IQCM: variants seen among roughly 807,000 people sequenced by gnomAD.
IQCM encodes the protein IQ domain-containing protein M.
Under a neutral mutation model 57.6 loss-of-function variants are expected in IQCM, and 45 were observed. That is an observed-to-expected ratio of 0.78 (90% CI 0.62 to 1.00). The LOEUF (loss-of-function observed/expected upper bound fraction) is 1.00. Ranked by LOEUF, IQCM falls within the 50% of genes least tolerant of loss-of-function variation. The pLI, the probability that IQCM is intolerant of heterozygous loss-of-function variation, is 0.00. For missense variants in IQCM, 468 were observed against 511.6 expected (o/e 0.91, Z 0.82); for synonymous variants, 148 against 158.9 (o/e 0.93, Z 0.51).
At chr4:149,546,734 G>A (rs1282693124) in intron 12 of IQCM, among the ~76,000 whole-genome samples, 12 of 152,122 alleles carry the variant, frequency 7.9e-5, no homozygotes, top group African/African-American at 2.2e-4. Flanking sequence ...TTTGTCAGAG[G>A]AGTAAATTGC....
At chr4:149,392,472 C>A (rs1731932773) in intron 13 of IQCM, among the ~76,000 whole-genome samples, 3 of 152,022 alleles carry the variant, frequency 2.0e-5, no homozygotes, top group Admixed American at 2.0e-4. Context: ...AGATTAAAAT[C>A]TGTCCACGGG....
In IQCM at chr4:149,787,095, G is replaced by A. The variant is rs951894732; in HGVS notation, c.-49+28216C>T. ...ACACAGGAACGGAAAACCAAACACC[G>A]CATATTCTCACTCAAAAGTGGGAGT... On this transcript the variant is annotated intron_variant, in intron 2 of 13. Coordinates refer to ENST00000636793, the MANE Select transcript of IQCM (RefSeq NM_001363507.2). 4.6e-5 allele frequency among the ~76,000 whole-genome samples: 7 copies of A among 152,040 alleles called. No homozygotes were observed. The South Asian group carries it at 8.3e-4, about 18-fold the overall frequency.
chr4:149,396,059 A>G (rs936186939), intron 13 of IQCM, among the ~76,000 whole-genome samples: 1 of 151,952 alleles, frequency 6.6e-6, no homozygotes, highest in African/African-American at 2.4e-5. Flanking sequence ...TTAACAGATA[A>G]AGGTCAACAT....
chr4:149,671,858 T>C (rs960750012), intron 7 of IQCM, among the ~76,000 whole-genome samples: 7 of 152,322 alleles, frequency 4.6e-5, no homozygotes, highest in Admixed American at 1.3e-4. Flanking sequence ...TGTTATAATT[T>C]CTGTTCTTTT....
intron 2 of IQCM, among the ~76,000 whole-genome samples, chr4:149,770,024 A>T (rs369377688): frequency 6.7e-6 from 1 of 150,076 alleles, no homozygotes; most frequent in Non-Finnish European, 1.5e-5. Flanking sequence ...AAAGAAAAAA[A>T]ATAGAAAATA....
chr4:149,470,942 C>A (rs1416430205), intron 12 of IQCM, among the ~76,000 whole-genome samples: 1 of 152,050 alleles, frequency 6.6e-6, no homozygotes, highest in East Asian at 1.9e-4. Context: ...CACAACATAC[C>A]AGAATCTCTG....
intron 2 of IQCM, among the ~76,000 whole-genome samples, chr4:149,764,991 C>G (rs1769899665): frequency 6.6e-6 from 1 of 151,916 alleles, no homozygotes; most frequent in Non-Finnish European, 1.5e-5. Context: ...CTGCCACTAA[C>G]CTAGAAAATG....
chr4:149,402,426 T>C (rs1173056198), intron 13 of IQCM, among the ~76,000 whole-genome samples: 1 of 151,730 alleles, frequency 6.6e-6, no homozygotes, highest in East Asian at 1.9e-4. Context: ...TTATAAACCA[T>C]TTTGGTGGAT....
At chr4:149,794,099 G>A (rs989355399) in intron 2 of IQCM, among the ~76,000 whole-genome samples, 4 of 152,184 alleles carry the variant, frequency 2.6e-5, no homozygotes, top group Non-Finnish European at 2.9e-5. Context: ...TGGCACATGA[G>A]GCCTGTACAG....
intron 7 of IQCM, 141 bp from the exon 8 acceptor site, chr4:149,621,385 T>C (rs1283671082): frequency 1.7e-5 from 7 of 404,010 alleles, no homozygotes; most frequent in African/African-American, 4.1e-5. Context: ...TCTTGTCATC[T>C]AATCGTAGAG....
chr4:149,458,448 TGAAAATAAAGCGA>T (rs1431503330), intron 12 of IQCM, among the ~76,000 whole-genome samples: 1 of 152,036 alleles, frequency 6.6e-6, no homozygotes, highest in Non-Finnish European at 1.5e-5. Context: ...AAGAAATAAG[TGAAAATAAAGCGA>T]ACATTTAAGC....
At chr4:149,366,483 C>G (rs137898114) in intron 13 of IQCM, among the ~76,000 whole-genome samples, 1 of 151,954 alleles carries the variant, frequency 6.6e-6, no homozygotes, top group Admixed American at 6.6e-5. Flanking sequence ...TCTTGGCTAT[C>G]CTTCAATAGG....
chr4:149,415,455 T>A (rs1733681822), intron 13 of IQCM, among the ~76,000 whole-genome samples: 1 of 152,198 alleles, frequency 6.6e-6, no homozygotes, highest in Non-Finnish European at 1.5e-5. Flanking sequence ...GTGTGTTTTA[T>A]AATTCTTTCT....
At position 149,718,237 on chromosome 4, in the gene IQCM, T is replaced by C. The variant is rs986234955; in HGVS notation, c.385+15007A>G. 1.6e-4 allele frequency among the ~76,000 whole-genome samples: 25 copies of C among 152,190 alleles called. 1 individual carries two copies. Among genetic ancestry groups the C allele is most frequent in the African/African-American group, 4.6e-4 (19 of 41,456 alleles). On this transcript the variant is annotated intron_variant, in intron 5 of 13. Coordinates refer to ENST00000636793, the MANE Select transcript of IQCM (RefSeq NM_001363507.2). ...TCCATTCCTGTGTCTTACTTCTCAATTCAAGTGGTTCCAAACTCAGAAGGA... is the reference window on the plus strand; with the variant it reads ...TCCATTCCTGTGTCTTACTTCTCAACTCAAGTGGTTCCAAACTCAGAAGGA...
At chr4:149,660,028 A>G (rs1368693682) in intron 7 of IQCM, among the ~76,000 whole-genome samples, 2 of 151,298 alleles carry the variant, frequency 1.3e-5, no homozygotes, top group African/African-American at 4.9e-5. Context: ...AGAAACTACC[A>G]TCAGAGTGAA....
chr4:149,687,008 T>A (rs1762588523), intron 5 of IQCM, among the ~76,000 whole-genome samples: 1 of 151,670 alleles, frequency 6.6e-6, no homozygotes, highest in Non-Finnish European at 1.5e-5. Context: ...TTTACATAAG[T>A]ATTTTTAAAA....
chr4:149,473,526 G>A (rs921372769), intron 12 of IQCM, among the ~76,000 whole-genome samples: 1 of 152,196 alleles, frequency 6.6e-6, no homozygotes, highest in Non-Finnish European at 1.5e-5. Flanking sequence ...CAGTGTTGGT[G>A]GGACTGTAAA....
At chr4:149,442,499 G>A (rs1486983802) in intron 12 of IQCM, among the ~76,000 whole-genome samples, 3 of 152,152 alleles carry the variant, frequency 2.0e-5, no homozygotes, top group South Asian at 2.1e-4. Context: ...GTCCAAGGCC[G>A]TATCTGGAAA....
intron 7 of IQCM, among the ~76,000 whole-genome samples, chr4:149,677,500 A>G (rs1761849900): frequency 6.6e-6 from 1 of 152,108 alleles, no homozygotes; most frequent in Non-Finnish European, 1.5e-5. Context: ...GTTGCCTGAC[A>G]GTAAAGAACC....
Sources: gnomAD v4.1 joint callset for allele counts (sites outside exome capture counted in the v4.1 genomes callset) on GRCh38, gnomAD v4.1.1 for gene constraint, MANE v1.5 for transcripts, NCBI Gene and HGNC (gene_info 2026-07-23, HGNC 2026-07-21) for gene names.